The following C7 variants were observed in gnomAD, a reference collection of about 807,000 sequenced individuals.
The protein encoded by C7 is complement C7.
In C7, 83 loss-of-function variants were observed where a neutral mutation model predicts 104.8. The observed-to-expected ratio is 0.79, with a 90% confidence interval of 0.66 to 0.95. The LOEUF (loss-of-function observed/expected upper bound fraction) is 0.95, where lower values mean the gene tolerates loss of function less well. Among genes scored for constraint, C7 ranks in the 40% least tolerant of loss-of-function variants. The probability of loss-of-function intolerance (pLI) is 0.00; values close to 1 mark genes in which losing one functional copy is unlikely to be tolerated. For synonymous variants in C7, 415 were observed against 360.6 expected (o/e 1.15, Z -1.71); for missense variants, 1,070 against 1,011.2 (o/e 1.06, Z -0.79).
intron 6 of C7, among the ~76,000 whole-genome samples, chr5:40,941,162 CA>C (rs1337532222): frequency 6.6e-6 from 1 of 151,042 alleles, no homozygotes; most frequent in African/African-American, 2.4e-5. Context: ...CTCCTGTGTT[CA>C]AGCGATTCTC....
chr5:40,958,325 T>C, intron 11 of C7, 64 bp downstream of exon 11: 4 of 1,000,318 alleles, frequency 4.0e-6, no homozygotes, highest in Non-Finnish European at 5.7e-6. Flanking sequence ...CCTGTTTCTC[T>C]GCTCCTTGAG....
intron 1 of C7, among the ~76,000 whole-genome samples, chr5:40,923,110 T>A (rs1372010882): frequency 1.3e-5 from 2 of 152,146 alleles, no homozygotes; most frequent in Non-Finnish European, 2.9e-5. Flanking sequence ...TAAAGGGAAG[T>A]AACTCAGTAG....
At chr5:40,922,301 G>A (rs1347223040) in intron 1 of C7, among the ~76,000 whole-genome samples, 2 of 144,358 alleles carry the variant, frequency 1.4e-5, no homozygotes, top group Non-Finnish European at 3.0e-5. Context: ...CTTGAACCCA[G>A]GAGGTGGAGG....
At chr5:40,975,325 T>C (rs1401829830) in intron 15 of C7, among the ~76,000 whole-genome samples, 1 of 151,948 alleles carries the variant, frequency 6.6e-6, no homozygotes, top group Non-Finnish European at 1.5e-5. Flanking sequence ...TTCAGGGTAC[T>C]ACGTTGCATT....
intron 9 of C7, among the ~76,000 whole-genome samples, chr5:40,954,597 G>A (rs1238485915): frequency 6.6e-6 from 1 of 151,554 alleles, no homozygotes; most frequent in Non-Finnish European, 1.5e-5. Flanking sequence ...ATATACCTTA[G>A]TTTTGGCTAG....
Position 40,931,045 on chromosome 5 carries a change from C to T in C7, c.63-19C>T, listed in dbSNP as rs745609442. 15 of 1,577,864 alleles carry T rather than the reference C, an allele frequency of 9.5e-6. No homozygotes were observed. The highest frequency in any genetic ancestry group is 1.7e-5 in the Admixed American group (1 of 59,824). ...ATCTTTCCACCTGCTTTATGATGGA[C>T]AATTTGACACTGTGGCAGTGCCTCC... On this transcript the variant is annotated intron_variant, in intron 2 of 17. Transcript: ENST00000313164.
At chr5:40,970,985 T>C (rs990250723) in intron 14 of C7, among the ~76,000 whole-genome samples, 4 of 152,232 alleles carry the variant, frequency 2.6e-5, no homozygotes, top group Admixed American at 2.6e-4. Flanking sequence ...CAGTCTATCA[T>C]TGATGGGCAT....
intron 14 of C7, among the ~76,000 whole-genome samples, chr5:40,967,088 G>A (rs1166054838): frequency 7.3e-6 from 1 of 137,582 alleles, no homozygotes; most frequent in Non-Finnish European, 1.5e-5. Flanking sequence ...TTTTCTTTGA[G>A]ATGGAGTCTT....
chr5:40,912,106 C>T (rs997065803), intron 1 of C7, among the ~76,000 whole-genome samples: 4 of 152,128 alleles, frequency 2.6e-5, no homozygotes, highest in Non-Finnish European at 4.4e-5. Flanking sequence ...GTATGTCTAT[C>T]ACTGTCATTC....
intron 1 of C7, among the ~76,000 whole-genome samples, chr5:40,920,210 A>T (rs1220495079): frequency 6.6e-6 from 1 of 151,246 alleles, no homozygotes; most frequent in African/African-American, 2.4e-5. Context: ...TCTTCTGTTC[A>T]TTTAGGTCCT....
Position 40,982,799 on chromosome 5 carries a change from A to G in C7, c.*1226A>G, listed in dbSNP as rs899175806. 1.2e-4 allele frequency: 18 copies of G among 152,226 alleles called. No homozygotes were observed. Among genetic ancestry groups the G allele is most frequent in the African/African-American group, 3.6e-4 (15 of 41,408 alleles). 9.4% of individuals were successfully genotyped at this position (152,226 alleles called of 1,614,324 possible). ...AACAAAACAGCAGCTGTGGGAGGAG[A>G]AATGAGAGGGCTTAAATGAAATTTA... On this transcript the variant is annotated 3_prime_UTR_variant, in exon 18 of 18. Transcript: ENST00000313164.
intron 8 of C7, among the ~76,000 whole-genome samples, chr5:40,948,788 C>T (rs1740103894): frequency 6.6e-6 from 1 of 152,116 alleles, no homozygotes; most frequent in East Asian, 1.9e-4. Context: ...ATCCCCTCTT[C>T]AAGGTCTTTC....
chr5:40,945,444 A>G, intron 7 of C7, 76 bp downstream of exon 7: 1 of 935,714 alleles, frequency 1.1e-6, no homozygotes, highest in Non-Finnish European at 1.6e-6. Context: ...ACTTGTATTT[A>G]TCAAAAGGAT....
intron 6 of C7, among the ~76,000 whole-genome samples, chr5:40,943,561 A>AT (rs200070748): frequency 0.015 from 2,144 of 144,304 alleles, 25 homozygotes; most frequent in African/African-American, 0.018. Flanking sequence ...AAATAGGCTA[A>AT]TTTTTTTTTT....
In C7 at chr5:40,964,832, GAGA is replaced by G; in HGVS notation, c.1845_1847del (p.Glu615del). On this transcript the variant is annotated inframe_deletion, in exon 14 of 18. Transcript: ENST00000313164. ...ATTGGAAACCCAGTGGCCAGATGTGGAGAAGATTTACGGTGGCTTGTTGGGGAA... is the reference window on the plus strand; with the variant it reads ...ATTGGAAACCCAGTGGCCAGATGTGGAGATTTACGGTGGCTTGTTGGGGAA... The G allele has an allele frequency of 4.3e-6, 7 of 1,613,752 alleles. No individual in the cohort carries two copies. Among genetic ancestry groups the G allele is most frequent in the East Asian group, 2.2e-5 (1 of 44,880 alleles).
In C7 at chr5:40,909,564, C is replaced by A. The variant is rs759522057; in HGVS notation, c.-47C>A. 6.5e-6 allele frequency: 10 copies of A among 1,534,068 alleles called. No individual in the cohort carries two copies. Among genetic ancestry groups the A allele is most frequent in the African/African-American group, 1.4e-5 (1 of 73,516 alleles). The stretch of plus-strand genomic sequence containing the variant: ...CTGTTGAAAACTTACCCGGCCCTTA[C>A]AGAGGAAATCTTCCTCCTCTCTTCT... On this transcript the variant is annotated 5_prime_UTR_variant, in exon 1 of 18. Transcript: ENST00000313164.
At chr5:40,969,643 C>A (rs938715966) in intron 14 of C7, among the ~76,000 whole-genome samples, 3 of 152,028 alleles carry the variant, frequency 2.0e-5, no homozygotes, top group Non-Finnish European at 2.9e-5. Flanking sequence ...TACCTGGCCC[C>A]TTCTTTTTGA....
chr5:40,931,885 A>G (rs1311954550), intron 3 of C7, among the ~76,000 whole-genome samples: 3 of 152,128 alleles, frequency 2.0e-5, no homozygotes, highest in Admixed American at 6.6e-5. Flanking sequence ...CAGCCTCCCA[A>G]GTAGCTGGGA....
At chr5:40,915,218 A>G (rs970789277) in intron 1 of C7, among the ~76,000 whole-genome samples, 4 of 152,216 alleles carry the variant, frequency 2.6e-5, no homozygotes, top group African/African-American at 9.6e-5. Context: ...TGCCATCACC[A>G]GACTCCAACT....
Sources: gnomAD v4.1 joint callset for allele counts (sites outside exome capture counted in the v4.1 genomes callset) on GRCh38, gnomAD v4.1.1 for gene constraint, MANE v1.5 for transcripts, NCBI Gene and HGNC (gene_info 2026-07-23, HGNC 2026-07-21) for gene names.